The following TRMT44 variants were observed in gnomAD, a reference collection of about 807,000 sequenced individuals.
TRMT44 encodes the protein probable tRNA (uracil-O(2)-)-methyltransferase.
A neutral mutation model predicts 77.3 loss-of-function variants in TRMT44; 78 were observed. The observed-to-expected ratio is 1.01, with a 90% CI of 0.84 to 1.22. The LOEUF is 1.22. Ranked by LOEUF, TRMT44 falls within the 50% of genes most tolerant of loss-of-function variation. The pLI, the probability that TRMT44 is intolerant of heterozygous loss-of-function variation, is 0.00. For missense variants in TRMT44, 1,090 were observed against 964.4 expected (o/e 1.13, Z -1.73); for synonymous variants, 391 against 383.3 (o/e 1.02, Z -0.23).
downstream of TRMT44, among the ~76,000 whole-genome samples, chr4:8,494,465 G>T (rs1728096515): frequency 6.6e-6 from 1 of 152,204 alleles, no homozygotes; most frequent in Admixed American, 6.5e-5. Flanking sequence ...CACTGAGCCA[G>T]ACTAAGTTGT....
At chr4:8,467,263 C>CG (rs1444114933) in intron 8 of TRMT44, among the ~76,000 whole-genome samples, 85 of 152,294 alleles carry the variant, frequency 5.6e-4, no homozygotes, top group African/African-American at 2.0e-3. Flanking sequence ...CATGTGCCCC[C>CG]GCCGGGCGGC....
In TRMT44 at chr4:8,486,598, CT is replaced by C. The variant is rs1395367196; in HGVS notation, n.3892-6667del. Among the ~76,000 whole-genome samples the C allele has an allele frequency of 2.0e-5, 3 of 151,400 alleles. No homozygotes were observed. In the East Asian group the frequency reaches 5.8e-4, roughly 29 times the overall value. The stretch of plus-strand genomic sequence containing the variant: ...CCTTCTGACTTTTTAGGGTCTAGGG[CT>C]GTAAAGCGTCTCGGGGTTGCTGCCA... On this transcript the variant is annotated intron_variant and non_coding_transcript_variant, in intron 2 of 2. Coordinates refer to the TRMT44 transcript ENST00000511366.
chr4:8,460,566 C>CTT (rs56738130), intron 6 of TRMT44, among the ~76,000 whole-genome samples: 4 of 147,536 alleles, frequency 2.7e-5, no homozygotes, highest in Admixed American at 6.7e-5. Context: ...TGGCCTCACT[C>CTT]TTTTTTTTTT....
At chr4:8,501,724 T>G in the TRMT44 span, among the ~76,000 whole-genome samples, 2 of 152,306 alleles carry the variant, frequency 1.3e-5, no homozygotes, top group African/African-American at 4.8e-5. The surrounding 1 kb of genome is among the most constrained non-coding windows in gnomAD (Gnocchi z 4.4). Flanking sequence ...TTTCTTCTTA[T>G]GGGGAGCTAG....
At chr4:8,495,545 A>T (rs1389365187), downstream of TRMT44, among the ~76,000 whole-genome samples, 1 of 152,248 alleles carries the variant, frequency 6.6e-6, no homozygotes, top group African/African-American at 2.4e-5. Flanking sequence ...GGTCAACTAA[A>T]TACAAAATAT....
the TRMT44 span, among the ~76,000 whole-genome samples, chr4:8,504,544 C>G: frequency 1.3e-5 from 2 of 152,070 alleles, no homozygotes; most frequent in African/African-American, 4.8e-5. This position sits in a 1 kb window ranked among gnomAD's most constrained non-coding sequence, Gnocchi z 5.3. Context: ...TGGACCTGTG[C>G]CGAGTCTGTA....
chr4:8,441,187 G>C lies in TRMT44; in HGVS notation c.365G>C (p.Arg122Thr). 1 of 1,534,602 alleles carries C rather than the reference G, an allele frequency of 6.5e-7. No homozygotes were observed. Among genetic ancestry groups the C allele is most frequent in the Non-Finnish European group, 8.7e-7 (1 of 1,146,080 alleles). The change falls in exon 1 of 11, where the codon AGG (arginine) becomes ACG (threonine). Residue 122 changes from arginine to threonine, a missense_variant. Physicochemically the swap from Arg to Thr is moderately conservative, Grantham distance 71. Transcript: ENST00000389737. Reference sequence around the variant, plus strand: ...AGGGAAGCCGCCTCAGTGCCCCTGAGGGACTCCGGGCACCCCGGCCATGCT... The same window carrying C: ...AGGGAAGCCGCCTCAGTGCCCCTGACGGACTCCGGGCACCCCGGCCATGCT... ...AQREAASVPLRDSGHPGHAEG... is the reference protein window; with the variant it reads ...AQREAASVPLTDSGHPGHAEG...
At chr4:8,460,880 C>T (rs950732808) in intron 6 of TRMT44, among the ~76,000 whole-genome samples, 48 of 151,360 alleles carry the variant, frequency 3.2e-4, no homozygotes, top group Non-Finnish European at 6.0e-4. Flanking sequence ...GACAGGGTCT[C>T]AATCTGTTGC....
chr4:8,514,251 CTTTTTTTT>C, the TRMT44 span, among the ~76,000 whole-genome samples: 2 of 114,282 alleles, frequency 1.8e-5, no homozygotes, highest in Non-Finnish European at 3.5e-5. Flanking sequence ...GGGCTCTGAT[CTTTTTTTT>C]TTTTTTTTTT....
intron 3 of TRMT44, among the ~76,000 whole-genome samples, chr4:8,450,792 G>GTTTTTTTTTTTTTTTTTTT (rs59875098): frequency 1.0e-5 from 1 of 96,674 alleles, no homozygotes; most frequent in Non-Finnish European, 1.9e-5. Context: ...TCATTTCCAT[G>GTTTTTTTTTTTTTTTTTTT]TTTTTTTTTT....
chr4:8,493,025 G>T (rs1220321637), intron 2 of TRMT44, among the ~76,000 whole-genome samples: 13 of 152,138 alleles, frequency 8.5e-5, no homozygotes, highest in Admixed American at 8.5e-4. Context: ...AATCGACTGA[G>T]ACCTGTCTCA....
intron 10 of TRMT44, among the ~76,000 whole-genome samples, chr4:8,475,260 C>T (rs1727298562): frequency 6.6e-6 from 1 of 152,224 alleles, no homozygotes; most frequent in African/African-American, 2.4e-5. Flanking sequence ...GGGGCTGCAG[C>T]ACAGATGTTT....
chr4:8,501,035 A>G, the TRMT44 span, among the ~76,000 whole-genome samples: 1 of 152,154 alleles, frequency 6.6e-6, no homozygotes, highest in Non-Finnish European at 1.5e-5. This position sits in a 1 kb window ranked among gnomAD's most constrained non-coding sequence, Gnocchi z 4.4. Flanking sequence ...CTTGGGAAGC[A>G]CTGTATGAGG....
In TRMT44 at chr4:8,449,828, C is replaced by T; in HGVS notation, c.894C>T (p.Ser298=). ...TTAAAAGCACCCTTTCCCTCATCTC[C>T]ATTATGAAGTATAGCAAGGCTTACC... is the stretch of plus-strand genomic sequence containing the variant. ...SDFKSTLSLI[S]IMKYSKAYQE... The change falls in exon 3 of 11, where the codon TCC becomes TCT. Residue 298 remains serine (S), a synonymous_variant. Transcript: ENST00000389737. The T allele has an allele frequency of 6.5e-7, 1 of 1,535,702 alleles. No individual in the cohort carries two copies. The highest frequency in any genetic ancestry group is 8.7e-7 in the Non-Finnish European group (1 of 1,146,792).
chr4:8,447,335 C>T (rs1040341819), intron 2 of TRMT44, among the ~76,000 whole-genome samples: 43 of 152,238 alleles, frequency 2.8e-4, no homozygotes, highest in Admixed American at 9.2e-4. Context: ...TAATTCATAC[C>T]GTTTGGTATT....
Position 8,482,487 on chromosome 4 carries a change from C to G in TRMT44, n.3891+2954C>G, listed in dbSNP as rs552431391. 284 of 152,144 alleles carry G rather than the reference C, an allele frequency of 1.9e-3. 1 individual carries two copies. Among genetic ancestry groups the G allele is most frequent in the Non-Finnish European group, 2.9e-3 (194 of 68,046 alleles). 9.4% of individuals were successfully genotyped at this position (152,144 alleles called of 1,614,324 possible). A position where few individuals can be genotyped will look rare whatever the true frequency, so the allele number is the denominator to read the frequency against. ...TCACCTGGGTGCAGGCGGGCTGAGT[C>G]CAAAAAGAGAGTCAGCAAAGGGAGA... On this transcript the variant is annotated intron_variant and non_coding_transcript_variant, in intron 2 of 2. Transcript: ENST00000511366.
the TRMT44 span, among the ~76,000 whole-genome samples, chr4:8,499,677 G>A: frequency 6.6e-6 from 1 of 152,128 alleles, no homozygotes; most frequent in Non-Finnish European, 1.5e-5. Context: ...ACTAAATACC[G>A]TGTGTTCTCA....
chr4:8,460,029 G>C (rs1010728501), intron 6 of TRMT44, among the ~76,000 whole-genome samples: 1 of 152,206 alleles, frequency 6.6e-6, no homozygotes, highest in Non-Finnish European at 1.5e-5. Context: ...CTGTCAGCCA[G>C]CCCTGGGCAC....
intron 10 of TRMT44, among the ~76,000 whole-genome samples, chr4:8,471,932 G>T (rs1289592901): frequency 1.3e-5 from 2 of 152,192 alleles, no homozygotes; most frequent in Non-Finnish European, 2.9e-5. Context: ...TGTGCACAGA[G>T]GGGGCAGGAA....
Sources: allele counts gnomAD v4.1 joint callset (sites outside exome capture counted in the v4.1 genomes callset), GRCh38; gene constraint gnomAD v4.1.1; non-coding constraint Gnocchi (gnomAD v3.1); transcripts MANE v1.5; gene names NCBI Gene and HGNC (gene_info 2026-07-23, HGNC 2026-07-21).